Variants in PGS1 observed in about 807,000 individuals in gnomAD.
PGS1 encodes the protein phosphatidylglycerophosphate synthase 1, also known as CDP-diacylglycerol--glycerol-3-phosphate 3-phosphatidyltransferase, mitochondrial.
In PGS1, 44 loss-of-function variants were observed where a neutral mutation model predicts 58.3. The observed-to-expected ratio is 0.75, with a 90% CI of 0.59 to 0.97. The LOEUF is 0.97. Ranked by LOEUF, PGS1 falls within the 50% of genes least tolerant of loss-of-function variation. The probability of loss-of-function intolerance (pLI) is 0.00; values close to 1 mark genes in which losing one functional copy is unlikely to be tolerated. For synonymous variants in PGS1, 330 were observed against 311.0 expected, an observed-to-expected ratio of 1.06 and a Z score of -0.64; for missense variants, 684 against 731.1, an observed-to-expected ratio of 0.94 and a Z score of 0.74.
chr17:78,399,431 C>T lies in PGS1; in HGVS notation c.595C>T (p.His199Tyr). Residue 199 changes from histidine (H) to tyrosine (Y), a missense_variant, in exon 5 of 10, where the codon CAC (histidine) becomes TAC (tyrosine). His to Tyr is a moderately conservative substitution (Grantham distance 83). Transcript: ENST00000262764. ...QVRVSLFHTP[H>Y]LRGLLRLLIP... ...CCGAGTCTCCCTCTTTCACACGCCG[C>T]ACCTCCGTGGGCTGCTTCGGCTCCT... 1 of 1,614,126 alleles carries T rather than the reference C, an allele frequency of 6.2e-7. No individual in the cohort carries two copies. Among genetic ancestry groups the T allele is most frequent in the Non-Finnish European group, 8.5e-7 (1 of 1,179,988 alleles).
intron 1 of PGS1, among the ~76,000 whole-genome samples, chr17:78,389,723 C>G (rs1446614181): frequency 1.3e-5 from 2 of 152,106 alleles, no homozygotes; most frequent in African/African-American, 4.8e-5. Flanking sequence ...AAGCGATTCT[C>G]CTGCTTCAGC....
intron 7 of PGS1, among the ~76,000 whole-genome samples, chr17:78,404,802 A>T (rs1342140090): frequency 6.6e-6 from 1 of 152,106 alleles, no homozygotes; most frequent in Non-Finnish European, 1.5e-5. Context: ...ATGGGATTAC[A>T]GGCCTGTACC....
chr17:78,408,542 C>T (rs2146268152), intron 7 of PGS1, among the ~76,000 whole-genome samples: 1 of 152,322 alleles, frequency 6.6e-6, no homozygotes, highest in Non-Finnish European at 1.5e-5. Context: ...TGAAATCACA[C>T]TGGGGGCCGA....
intron 8 of PGS1, among the ~76,000 whole-genome samples, chr17:78,415,547 G>A (rs372984682): frequency 1.3e-5 from 2 of 152,200 alleles, no homozygotes; most frequent in African/African-American, 2.4e-5. Flanking sequence ...CAGGAGAATC[G>A]CTTGAACCTA....
chr17:78,406,218 T>C (rs1372096479), intron 7 of PGS1, among the ~76,000 whole-genome samples: 1 of 152,016 alleles, frequency 6.6e-6, no homozygotes, highest in Admixed American at 6.5e-5. Flanking sequence ...CTTGGGAGGC[T>C]GAGGCAGGAG....
intron 7 of PGS1, among the ~76,000 whole-genome samples, chr17:78,410,343 C>G (rs375913810): frequency 6.6e-6 from 1 of 151,938 alleles, no homozygotes; most frequent in Non-Finnish European, 1.5e-5. Flanking sequence ...GTGGGAGAAT[C>G]GCTTGAACCC....
intron 3 of PGS1, 56 bp from the exon 4 acceptor site, chr17:78,398,196 T>C (rs538734863): frequency 4.2e-4 from 551 of 1,301,236 alleles, no homozygotes; most frequent in Non-Finnish European, 5.9e-4. Flanking sequence ...TGTTTTTCTT[T>C]AAATACACAC....
Position 78,399,522 on chromosome 17 carries a change from G to C in PGS1, c.686G>C (p.Ser229Thr), listed in dbSNP as rs769428308. 1 of 1,614,184 alleles carries C rather than the reference G, an allele frequency of 6.2e-7. No individual in the cohort carries two copies. Among genetic ancestry groups the C allele is most frequent in the Non-Finnish European group, 8.5e-7 (1 of 1,180,032 alleles). ...ATTAAGGTGTACCTCTTCGACAACA[G>C]CGTCATCTTGAGCGGGTGAGTGCTT... Reference protein sequence around the residue: ...QHIKVYLFDNSVILSGANLSD... With the variant: ...QHIKVYLFDNTVILSGANLSD... Residue 229 changes from serine to threonine, a missense_variant, in exon 5 of 10, where the codon AGC becomes ACC. Transcript: ENST00000262764.
chr17:78,395,194 T>C (rs1360924184), intron 2 of PGS1, among the ~76,000 whole-genome samples: 1 of 152,254 alleles, frequency 6.6e-6, no homozygotes, highest in East Asian at 1.9e-4. Context: ...TGGGGCCTGG[T>C]GTCCTGTAGT....
chr17:78,415,379 C>G (rs2085091101), intron 8 of PGS1, among the ~76,000 whole-genome samples: 1 of 152,152 alleles, frequency 6.6e-6, no homozygotes, highest in Admixed American at 6.5e-5. Context: ...GCCTGTAATC[C>G]CAGCACTTTG....
At position 78,392,604 on chromosome 17, in the gene PGS1, G is replaced by C; in HGVS notation, c.272G>C (p.Gly91Ala). 1.2e-6 allele frequency: 2 copies of C among 1,614,204 alleles called. No homozygotes were observed. The highest frequency in any genetic ancestry group is 1.7e-6 in the Non-Finnish European group (2 of 1,180,040). The change falls in exon 2 of 10, where the codon GGA (glycine) becomes GCA (alanine). Residue 91 changes from glycine (G) to alanine (A), a missense_variant. Coordinates refer to ENST00000262764, the MANE Select transcript of PGS1 (RefSeq NM_024419.5). Reference protein sequence around the residue: ...QWIRNLVPEFGVSSSHVRVLS... With the variant: ...QWIRNLVPEFAVSSSHVRVLS... ...ATCAGAAACCTGGTTCCAGAATTTGGAGTCTCCAGTTCTCACGTTAGGGTG... is the reference window on the plus strand; with the variant it reads ...ATCAGAAACCTGGTTCCAGAATTTGCAGTCTCCAGTTCTCACGTTAGGGTG...
At chr17:78,397,015 G>C (rs2083276497) in intron 3 of PGS1, among the ~76,000 whole-genome samples, 1 of 152,224 alleles carries the variant, frequency 6.6e-6, no homozygotes, top group Non-Finnish European at 1.5e-5. Flanking sequence ...GTGCAAGTTG[G>C]GCTGGCTGGC....
At position 78,420,093 on chromosome 17, in the gene PGS1, G is replaced by T. The variant is rs1049023079; in HGVS notation, c.*10+418G>T. ...TGGGAGGAGGGGAGCACGTTTGCTCGTGAGAGTGGCTCTGGCTTGCTGCCC... is the reference window on the plus strand; with the variant it reads ...TGGGAGGAGGGGAGCACGTTTGCTCTTGAGAGTGGCTCTGGCTTGCTGCCC... On this transcript the variant is annotated intron_variant, in intron 9 of 9. Transcript: ENST00000262764. 4.7e-5 allele frequency: 50 copies of T among 1,052,996 alleles called. No individual in the cohort carries two copies. The Admixed American group carries it at 1.2e-3, about 26-fold the overall frequency. The allele number at this position is 1,052,996 out of a possible 1,614,324, so 65.2% of individuals were successfully genotyped here.
At chr17:78,381,314 C>T (rs1430825175) in intron 1 of PGS1, among the ~76,000 whole-genome samples, 3 of 152,212 alleles carry the variant, frequency 2.0e-5, no homozygotes, top group Non-Finnish European at 4.4e-5. Context: ...GTTCAACCAG[C>T]AACTCAGTTT....
At chr17:78,417,635 TGCCACTTTGAGTGGCACAG>T (rs892618559) in intron 8 of PGS1, among the ~76,000 whole-genome samples, 11 of 152,054 alleles carry the variant, frequency 7.2e-5, no homozygotes, top group Non-Finnish European at 1.3e-4. Context: ...GCAGGGAGTG[TGCCACTTTGAGTGGCACAG>T]GCCACCGCTG....
chr17:78,398,315 G>T lies in PGS1; in HGVS notation c.475G>T (p.Val159Phe). The T allele has an allele frequency of 6.2e-7, 1 of 1,614,010 alleles. No individual in the cohort carries two copies. The highest frequency in any genetic ancestry group is 8.5e-7 in the Non-Finnish European group (1 of 1,179,960). The change falls in exon 4 of 10, where the codon GTC (valine) becomes TTC (phenylalanine). Residue 159 changes from valine (V) to phenylalanine (F), a missense_variant. Physicochemically the swap from Val to Phe is conservative, Grantham distance 50 (BLOSUM62 -1). Transcript: ENST00000262764. ...AGCAAAGTTTCCTTCAAATCTCAAG[G>T]TCTCCATTCTCTTAGACTTCACGCG... is the stretch of plus-strand genomic sequence containing the variant. ...LQAKFPSNLK[V>F]SILLDFTRGS... is the part of the protein sequence containing the mutation.
At chr17:78,403,162 C>T (rs749748524) in intron 6 of PGS1, among the ~76,000 whole-genome samples, 21 of 152,188 alleles carry the variant, frequency 1.4e-4, no homozygotes, top group Non-Finnish European at 2.4e-4. Context: ...GAGCACCAGT[C>T]GCAGGTGTAC....
chr17:78,386,663 T>G (rs1322410989), intron 1 of PGS1, among the ~76,000 whole-genome samples: 1 of 152,244 alleles, frequency 6.6e-6, no homozygotes, highest in Non-Finnish European at 1.5e-5. Flanking sequence ...CTGGGCCATG[T>G]GCTTTCTTGG....
intron 7 of PGS1, among the ~76,000 whole-genome samples, chr17:78,408,177 G>C (rs1047398262): frequency 6.6e-6 from 1 of 152,148 alleles, no homozygotes; most frequent in Non-Finnish European, 1.5e-5. Context: ...AGAACCAGAG[G>C]AACACTCAAC....
Sources: allele counts gnomAD v4.1 joint callset (sites outside exome capture counted in the v4.1 genomes callset), GRCh38; gene constraint gnomAD v4.1.1; transcripts MANE v1.5; gene names NCBI Gene and HGNC (gene_info 2026-07-23, HGNC 2026-07-21).